UNC13C: variants seen among roughly 807,000 people sequenced by gnomAD.
UNC13C encodes the protein unc-13 homolog C.
A neutral mutation model predicts 245.4 loss-of-function variants in UNC13C; 174 were observed. The ratio of observed to expected loss-of-function variants is 0.71; its 90% CI spans 0.63 to 0.80. UNC13C has a LOEUF of 0.80. Ranked by LOEUF, UNC13C falls within the 30% of genes least tolerant of loss-of-function variation. The pLI, the probability that UNC13C is intolerant of heterozygous loss-of-function variation, is 0.00. For synonymous variants in UNC13C, 992 were observed against 895.1 expected, an observed-to-expected ratio of 1.11 and a Z score of -1.93; for missense variants, 2,829 against 2,602.9, an observed-to-expected ratio of 1.09 and a Z score of -1.89.
chr15:54,493,205 C>A (rs1481132807), intron 19 of UNC13C, among the ~76,000 whole-genome samples: 3 of 152,120 alleles, frequency 2.0e-5, no homozygotes, highest in Non-Finnish European at 4.4e-5. Flanking sequence ...TGAAGAAAGA[C>A]GTTAGGGGAG....
At chr15:54,157,426 C>T (rs16974182) in intron 4 of UNC13C, among the ~76,000 whole-genome samples, 43,834 of 152,012 alleles carry the variant, frequency 0.29, 6,572 homozygotes, top group African/African-American at 0.35. Flanking sequence ...CCTTTCTTTT[C>T]AAATCTAGCA....
At chr15:53,882,365 AT>A in the UNC13C span, among the ~76,000 whole-genome samples, 1 of 152,276 alleles carries the variant, frequency 6.6e-6, no homozygotes, top group Non-Finnish European at 1.5e-5. Context: ...TTTGCTTATA[AT>A]AAAATTTATA....
the UNC13C span, among the ~76,000 whole-genome samples, chr15:53,885,089 A>C: frequency 1.3e-5 from 2 of 152,350 alleles, no homozygotes; most frequent in East Asian, 1.9e-4. Context: ...GTTTTTATAA[A>C]TAGAAAGTCA....
chr15:54,259,177 A>G lies in UNC13C; in HGVS notation c.3449-4991A>G, dbSNP rs573163008. On this transcript the variant is annotated intron_variant, in intron 8 of 32. Transcript: ENST00000260323. ...AGGCCTCATCTTTTAACATTATCAC[A>G]TCGGAGATTAGGTTTCAATATATGA... is the stretch of plus-strand genomic sequence containing the variant. 7.9e-4 allele frequency among the ~76,000 whole-genome samples: 121 copies of G among 152,340 alleles called. 1 individual carries two copies. Among genetic ancestry groups the G allele is most frequent in the African/African-American group, 2.5e-3 (106 of 41,588 alleles).
At chr15:54,186,831 A>G (rs1230888333) in intron 4 of UNC13C, among the ~76,000 whole-genome samples, 2 of 135,918 alleles carry the variant, frequency 1.5e-5, no homozygotes, top group African/African-American at 2.8e-5. Flanking sequence ...ACATACAAAG[A>G]ACATAATATA....
chr15:54,510,446 G>A lies in UNC13C; in HGVS notation c.5380-1307G>A, dbSNP rs1894683496. On this transcript the variant is annotated intron_variant, in intron 23 of 32. Coordinates refer to ENST00000260323, the MANE Select transcript of UNC13C (RefSeq NM_001080534.3). ...CCAGATCAAGTAGTTCTCACTTATG[G>A]CTATGGATCAGAATCATTTGTGGAA... Among the ~76,000 whole-genome samples the A allele has an allele frequency of 2.6e-5, 4 of 151,476 alleles. No individual in the cohort carries two copies. The South Asian group carries it at 8.3e-4, about 31-fold the overall frequency.
In UNC13C at chr15:54,015,271, A is replaced by G. The variant is rs776333033; in HGVS notation, c.2368A>G (p.Lys790Glu). 2 of 1,569,530 alleles carry G rather than the reference A, an allele frequency of 1.3e-6. No homozygotes were observed. The highest frequency in any genetic ancestry group is 2.3e-5 in the South Asian group (2 of 86,928). ...TCGATTAAGCATTGACCTTTCTGAT[A>G]AGACTTTCAGCTTCCCAAAATTTGG... is the stretch of plus-strand genomic sequence containing the variant. ...HSRLSIDLSD[K>E]TFSFPKFGST... Residue 790 changes from lysine (K) to glutamate (E), a missense_variant, in exon 2 of 33, where the codon AAG becomes GAG. Transcript: ENST00000260323.
the UNC13C span, among the ~76,000 whole-genome samples, chr15:53,839,522 C>A: frequency 6.6e-6 from 1 of 152,036 alleles, no homozygotes; most frequent in Admixed American, 6.6e-5. Context: ...TGTAGCTTTA[C>A]TAATTTTCAT....
intron 19 of UNC13C, among the ~76,000 whole-genome samples, chr15:54,447,324 T>G (rs1360225258): frequency 2.0e-5 from 3 of 152,194 alleles, no homozygotes; most frequent in Admixed American, 6.5e-5. Context: ...TTTCTATTGA[T>G]TGGAATAGTT....
chr15:54,493,399 CCTCT>C (rs1185788423), intron 19 of UNC13C, among the ~76,000 whole-genome samples: 1 of 151,770 alleles, frequency 6.6e-6, no homozygotes, highest in Non-Finnish European at 1.5e-5. Flanking sequence ...CTCACTCTCT[CCTCT>C]CTCTCTCTTT....
intron 4 of UNC13C, among the ~76,000 whole-genome samples, chr15:54,171,556 T>A (rs1408419755): frequency 6.6e-6 from 1 of 151,994 alleles, no homozygotes; most frequent in Admixed American, 6.6e-5. Context: ...CAATGTAATA[T>A]CATCGCACCC....
chr15:53,987,175 A>G (rs17664323), intron 1 of UNC13C, among the ~76,000 whole-genome samples: 18,971 of 152,062 alleles, frequency 0.12, 1,504 homozygotes, highest in East Asian at 0.28. Context: ...TAATTATTTG[A>G]AATTGATAAA....
Position 54,172,737 on chromosome 15 carries a change from T to TAA in UNC13C, c.3071+29054_3071+29055insAA, listed in dbSNP as rs1567067134. The stretch of plus-strand genomic sequence containing the variant: ...ATATATATATATATATATATATATA[T>TAA]ATATATATATATATATATATATATC... On this transcript the variant is annotated intron_variant, in intron 4 of 32. Transcript: ENST00000260323. Among the ~76,000 whole-genome samples, 169 of 103,646 alleles carry TAA rather than the reference T, an allele frequency of 1.6e-3. 4 individuals are homozygous for TAA. Among genetic ancestry groups the TAA allele is most frequent in the South Asian group, 9.0e-3 (27 of 3,008 alleles). 68.0% of individuals were successfully genotyped at this position (103,646 alleles called of 152,430 possible). A position where few individuals can be genotyped will look rare whatever the true frequency, so the allele number is the denominator to read the frequency against.
the UNC13C span, among the ~76,000 whole-genome samples, chr15:53,922,881 C>G: frequency 6.6e-6 from 1 of 152,112 alleles, no homozygotes; most frequent in African/African-American, 2.4e-5. Context: ...AACTTTTTTG[C>G]TCAAAATATT....
At chr15:53,988,224 C>G (rs551064651) in intron 1 of UNC13C, among the ~76,000 whole-genome samples, 1 of 151,968 alleles carries the variant, frequency 6.6e-6, no homozygotes, top group East Asian at 1.9e-4. Flanking sequence ...AGGAAGAAAC[C>G]CTGGTGAATT....
chr15:54,222,573 C>T (rs1011984979), intron 4 of UNC13C, among the ~76,000 whole-genome samples: 1 of 152,002 alleles, frequency 6.6e-6, no homozygotes, highest in African/African-American at 2.4e-5. Context: ...GGTATCTCTT[C>T]AGTATACTGA....
chr15:54,338,958 C>T lies in UNC13C; in HGVS notation c.4713+469C>T, dbSNP rs536759661. On this transcript the variant is annotated intron_variant, in intron 17 of 32. Coordinates refer to ENST00000260323, the MANE Select transcript of UNC13C (RefSeq NM_001080534.3). The stretch of plus-strand genomic sequence containing the variant: ...CTCGGCTCACTGCAACCTCTGCCTC[C>T]GGGGTTCAAGCGATTCTCCTGCCTC... Among the ~76,000 whole-genome samples, 19 of 152,304 alleles carry T rather than the reference C, an allele frequency of 1.2e-4. 1 individual carries two copies. The highest frequency in any genetic ancestry group is 2.9e-4 in the African/African-American group (12 of 41,554).
intron 2 of UNC13C, among the ~76,000 whole-genome samples, chr15:54,077,376 C>CTTTT (rs768240170): frequency 0.015 from 924 of 62,516 alleles, 88 homozygotes; most frequent in South Asian, 0.04. Context: ...CTTTTCTTTT[C>CTTTT]TTTTTTTTTT....
Position 54,452,678 on chromosome 15 carries a change from A to G in UNC13C, c.4933+37611A>G, listed in dbSNP as rs1177950545. Among the ~76,000 whole-genome samples, 3 of 152,164 alleles carry G rather than the reference A, an allele frequency of 2.0e-5. No individual in the cohort carries two copies. The East Asian group carries it at 5.8e-4, about 30-fold the overall frequency. ...TGTGGTCAGACGGAGTGATCCTCAG[A>G]CCCCAGCAGCATGCTTTTGTGGAGA... On this transcript the variant is annotated intron_variant, in intron 19 of 32. Coordinates refer to ENST00000260323, the MANE Select transcript of UNC13C (RefSeq NM_001080534.3).
Sources: allele counts gnomAD v4.1 joint callset (sites outside exome capture counted in the v4.1 genomes callset), GRCh38; gene constraint gnomAD v4.1.1; transcripts MANE v1.5; gene names NCBI Gene and HGNC (gene_info 2026-07-23, HGNC 2026-07-21).